Variants in HOXB3 observed in about 807,000 individuals in gnomAD.
HOXB3 encodes homeobox protein Hox-B3.
Under a neutral mutation model 29.2 loss-of-function variants are expected in HOXB3, and 17 were observed. That is an observed-to-expected ratio of 0.58 (90% confidence interval 0.40 to 0.87). HOXB3 has a LOEUF of 0.87. Among genes scored for constraint, HOXB3 ranks in the 40% least tolerant of loss-of-function variants. HOXB3 has a pLI of 0.00. For synonymous variants in HOXB3, 317 were observed against 285.9 expected, an observed-to-expected ratio of 1.11 and a Z score of -1.10; for missense variants, 637 against 616.3, an observed-to-expected ratio of 1.03 and a Z score of -0.35.
chr17:48,586,176 C>A (rs1001342137), intron 1 of HOXB3, among the ~76,000 whole-genome samples: 2 of 152,148 alleles, frequency 1.3e-5, no homozygotes, highest in African/African-American at 4.8e-5. Context: ...CCAAGAGGAA[C>A]TTTAGGGGGA....
intron 1 of HOXB3, among the ~76,000 whole-genome samples, chr17:48,586,651 C>T (rs2070053056): frequency 6.6e-6 from 1 of 152,188 alleles, no homozygotes; most frequent in African/African-American, 2.4e-5. Context: ...TTGAGAATAG[C>T]TTTGGTGTGG....
chr17:48,550,147 A>G lies in HOXB3; in HGVS notation c.*187T>C. The G allele has an allele frequency of 1.5e-6, 1 of 670,002 alleles. No homozygotes were observed. Among genetic ancestry groups the G allele is most frequent in the Non-Finnish European group, 2.5e-6 (1 of 402,070 alleles). 41.5% of individuals were successfully genotyped at this position (670,002 alleles called of 1,614,324 possible). Reference sequence around the variant, plus strand: ...CGATGGGTTGGCAGGCAGATGGAACAAGGGGTGGAAGACTTAAAAGCAACC... The same window carrying G: ...CGATGGGTTGGCAGGCAGATGGAACGAGGGGTGGAAGACTTAAAAGCAACC... On this transcript the variant is annotated 3_prime_UTR_variant, in exon 5 of 5. Coordinates refer to ENST00000498678, the MANE Select transcript of HOXB3 (RefSeq NM_001384749.1).
intron 2 of HOXB3, among the ~76,000 whole-genome samples, chr17:48,568,795 T>C (rs1467643704): frequency 8.5e-5 from 13 of 152,096 alleles, no homozygotes; most frequent in Admixed American, 8.5e-4. Flanking sequence ...AGAATATTCC[T>C]AAAATCTCTA....
intron 1 of HOXB3, among the ~76,000 whole-genome samples, chr17:48,583,628 G>T (rs1464952566): frequency 2.6e-5 from 4 of 152,218 alleles, no homozygotes; most frequent in Non-Finnish European, 4.4e-5. Flanking sequence ...GTCCAGAATG[G>T]CAGAGGCCAC....
rs1472261811 is a variant in HOXB3, at chr17:48,554,564, G to GCACC, written c.-159+966_-159+967insGGTG. ...TTGTGCACCCGGGTAGTCCCTGGCT[G>GCACC]CTGCTGCCAGGCTGCCTCAGCCGGT... On this transcript the variant is annotated intron_variant, in intron 3 of 4. Coordinates refer to ENST00000498678, the MANE Select transcript of HOXB3 (RefSeq NM_001384749.1). This position sits in a 1 kb window ranked among gnomAD's most constrained non-coding sequence, Gnocchi z 4.1. 2.9e-6 allele frequency: 2 copies of GCACC among 696,296 alleles called. No homozygotes were observed. The highest frequency in any genetic ancestry group is 2.6e-6 in the Non-Finnish European group (1 of 381,954). The allele number at this position is 696,296 out of a possible 1,614,324, so 43.1% of individuals were successfully genotyped here. A position where few individuals can be genotyped will look rare whatever the true frequency, so the allele number is the denominator to read the frequency against.
At chr17:48,567,019 T>C (rs1046427246) in intron 2 of HOXB3, among the ~76,000 whole-genome samples, 7 of 152,220 alleles carry the variant, frequency 4.6e-5, no homozygotes, top group African/African-American at 1.7e-4. Context: ...TCCAGTGCTG[T>C]CAAAGCTGCC....
In HOXB3 at chr17:48,550,491, G is replaced by C; in HGVS notation, c.1139C>G (p.Pro380Arg). 13 of 1,606,468 alleles carry C rather than the reference G, an allele frequency of 8.1e-6. No homozygotes were observed. Among genetic ancestry groups the C allele is most frequent in the Non-Finnish European group, 1.1e-5 (13 of 1,178,248 alleles). The change falls in exon 5 of 5, where the codon CCT becomes CGT. Residue 380 changes from proline to arginine, a missense_variant. Pro to Arg is a moderately radical substitution (Grantham distance 103). Transcript: ENST00000498678. ...LYGLNHLSHHPSGNLDYNGAP... is the reference protein window; with the variant it reads ...LYGLNHLSHHRSGNLDYNGAP... ...CCCGTTGTAGTCCAGGTTCCCGGAA[G>C]GGTGATGGGAAAGGTGGTTGAGGCC...
chr17:48,572,542 G>C (rs1158465940), intron 2 of HOXB3, among the ~76,000 whole-genome samples: 1 of 152,090 alleles, frequency 6.6e-6, no homozygotes, highest in Non-Finnish European at 1.5e-5. Context: ...TCTTCCCTCA[G>C]TTCCCTCCAG....
At position 48,550,638 on chromosome 17, in the gene HOXB3, G is replaced by T; in HGVS notation, c.992C>A (p.Pro331Gln). 1 of 1,524,464 alleles carries T rather than the reference G, an allele frequency of 6.6e-7. No homozygotes were observed. 94.4% of individuals were successfully genotyped at this position (1,524,464 alleles called of 1,614,324 possible). The change falls in exon 5 of 5, where the codon CCG becomes CAG. Residue 331 changes from proline (P) to glutamine (Q), a missense_variant. Pro to Gln is a moderately conservative substitution (Grantham distance 76). Coordinates refer to ENST00000498678, the MANE Select transcript of HOXB3 (RefSeq NM_001384749.1). ...YPPTPAPEYE[P>Q]HVLQANGGAY... ...GCCCCCGTTGGCTTGGAGGACGTGCGGCTCATACTCGGGCGCCGGGGTCGG... is the reference window on the plus strand; with the variant it reads ...GCCCCCGTTGGCTTGGAGGACGTGCTGCTCATACTCGGGCGCCGGGGTCGG...
intron 1 of HOXB3, chr17:48,576,836 G>A: frequency 6.2e-7 from 1 of 1,614,250 alleles, no homozygotes; most frequent in Non-Finnish European, 8.5e-7. Flanking sequence ...TCCACTTCAT[G>A]CGCCGGTTCT....
At chr17:48,559,685 A>C (rs1037588150) in intron 2 of HOXB3, 1 of 152,320 alleles carries the variant, frequency 6.6e-6, no homozygotes, top group East Asian at 1.9e-4. Context: ...CCAATAAGCC[A>C]GAGCAGGAGG....
chr17:48,579,936 GAC>G (rs759999447), intron 1 of HOXB3: 9 of 516,280 alleles, frequency 1.7e-5, no homozygotes, highest in Middle Eastern at 3.2e-4. Context: ...ATATACAGAA[GAC>G]AGACAGATCT....
rs745925398 is a variant in HOXB3, at chr17:48,550,764, G to C, written c.866C>G (p.Pro289Arg). ...LHSMTPSYES[P>R]SPPAFGKAHQ... ...GGCTTTACCGAAGGCGGGTGGGGAC[G>C]GGCTCTCGTAGCTGGGGGTCATGGA... is the stretch of plus-strand genomic sequence containing the variant. Residue 289 changes from proline (P) to arginine (R), a missense_variant, in exon 5 of 5, where the codon CCG becomes CGG. Physicochemically the swap from Pro to Arg is moderately radical, Grantham distance 103 (BLOSUM62 -2). Coordinates refer to ENST00000498678, the MANE Select transcript of HOXB3 (RefSeq NM_001384749.1). The C allele has an allele frequency of 6.2e-7, 1 of 1,600,132 alleles. No homozygotes were observed. Among genetic ancestry groups the C allele is most frequent in the Non-Finnish European group, 8.5e-7 (1 of 1,170,688 alleles).
chr17:48,561,494 G>A (rs1296267399), intron 2 of HOXB3, among the ~76,000 whole-genome samples: 1 of 152,234 alleles, frequency 6.6e-6, no homozygotes, highest in African/African-American at 2.4e-5. Context: ...CTGGGTGTAT[G>A]TAAACTCTGA....
chr17:48,558,955 GAGAA>G (rs962086679), intron 2 of HOXB3, among the ~76,000 whole-genome samples: 3 of 151,790 alleles, frequency 2.0e-5, no homozygotes, highest in Non-Finnish European at 4.4e-5. Context: ...GAGAGAGAGA[GAGAA>G]AGGAGGAGAA....
chr17:48,551,146 C>G lies in HOXB3; in HGVS notation c.484G>C (p.Gly162Arg), dbSNP rs1237115355. 1.5e-6 allele frequency: 2 copies of G among 1,308,212 alleles called. No individual in the cohort carries two copies. The highest frequency in any genetic ancestry group is 2.9e-5 in the East Asian group (1 of 33,902). 81.0% of individuals were successfully genotyped at this position (1,308,212 alleles called of 1,614,324 possible). A position where few individuals can be genotyped will look rare whatever the true frequency, so the allele number is the denominator to read the frequency against. ...GCGGGGGGGGGGGSGGSGGGG... is the reference protein window; with the variant it reads ...GCGGGGGGGGRGGSGGSGGGG... ...CCCCCGCTGCCACCACTGCCTCCGC[C>G]GCCGCCGCCACCGCCGCCGCCACCA... Residue 162 changes from glycine to arginine, a missense_variant, in exon 5 of 5, where the codon GGC (glycine) becomes CGC (arginine). Gly to Arg is a moderately radical substitution (Grantham distance 125). Transcript: ENST00000498678.
chr17:48,549,301 C>T lies in HOXB3; in HGVS notation c.*1033G>A, dbSNP rs891839663. The T allele has an allele frequency of 4.6e-5, 7 of 152,514 alleles. No homozygotes were observed. The highest frequency in any genetic ancestry group is 1.9e-4 in the East Asian group (1 of 5,206). 9.4% of individuals were successfully genotyped at this position (152,514 alleles called of 1,614,324 possible). ...ATATGAAAATGTTCACTAGAACACACGCTTTTTTGAGCAATGCTGGACTTC... is the reference window on the plus strand; with the variant it reads ...ATATGAAAATGTTCACTAGAACACATGCTTTTTTGAGCAATGCTGGACTTC... On this transcript the variant is annotated 3_prime_UTR_variant, in exon 5 of 5. Transcript: ENST00000498678.
At chr17:48,577,357 G>A (rs745834897) in intron 1 of HOXB3, among the ~76,000 whole-genome samples, 98 of 152,180 alleles carry the variant, frequency 6.4e-4, no homozygotes, top group Non-Finnish European at 1.2e-3. Context: ...AGGGAGGGGA[G>A]GTTTCCCTAA....
intron 1 of HOXB3, among the ~76,000 whole-genome samples, chr17:48,589,756 G>A (rs543123797): frequency 3.3e-5 from 5 of 152,284 alleles, no homozygotes; most frequent in Non-Finnish European, 4.4e-5. Context: ...AGGATGGGGG[G>A]ATAGTTGTCT....
Sources: allele counts gnomAD v4.1 joint callset (sites outside exome capture counted in the v4.1 genomes callset), GRCh38; gene constraint gnomAD v4.1.1; non-coding constraint Gnocchi (gnomAD v3.1); transcripts MANE v1.5; gene names NCBI Gene and HGNC (gene_info 2026-07-23, HGNC 2026-07-21).